Variants in ARK2C observed in about 807,000 individuals in gnomAD.
ARK2C encodes the protein arkadia (RNF111) C-terminal like ring finger ubiquitin ligase 2C.
At chr18:46,381,359 C>A in the ARK2C span, among the ~76,000 whole-genome samples, 1 of 152,224 alleles carries the variant, frequency 6.6e-6, no homozygotes, top group African/African-American at 2.4e-5. Flanking sequence ...TTTGGAGCTT[C>A]TCTGCTCTCT....
chr18:46,441,861 C>CA, the ARK2C span, among the ~76,000 whole-genome samples: 243 of 122,064 alleles, frequency 2.0e-3, 2 homozygotes, highest in South Asian at 9.5e-3. Context: ...GACTCCATCT[C>CA]AAAAAAAAAA....
At chr18:46,377,332 A>ACTC in the ARK2C span, among the ~76,000 whole-genome samples, 2 of 152,118 alleles carry the variant, frequency 1.3e-5, no homozygotes, top group Non-Finnish European at 2.9e-5. Flanking sequence ...ATTTATGGGA[A>ACTC]CTCGCTATAT....
At chr18:46,427,099 A>C in the ARK2C span, among the ~76,000 whole-genome samples, 1 of 152,230 alleles carries the variant, frequency 6.6e-6, no homozygotes, top group Non-Finnish European at 1.5e-5. Context: ...GGATGTTTCC[A>C]CTTCCAGTTC....
At chr18:46,438,341 C>A in the ARK2C span, among the ~76,000 whole-genome samples, 753 of 152,338 alleles carry the variant, frequency 4.9e-3, 5 homozygotes, top group African/African-American at 0.017. Flanking sequence ...GAACCACATC[C>A]CCTGTTGGGG....
chr18:46,391,099 A>G, the ARK2C span, among the ~76,000 whole-genome samples: 3 of 152,124 alleles, frequency 2.0e-5, no homozygotes, highest in African/African-American at 7.2e-5. Flanking sequence ...GAGAGTTCCT[A>G]CCCCATGGGT....
chr18:46,405,485 G>A, the ARK2C span, among the ~76,000 whole-genome samples: 1 of 152,200 alleles, frequency 6.6e-6, no homozygotes. Context: ...TGAGGCAATA[G>A]GATGGAGTGG....
chr18:46,392,687 G>T, the ARK2C span, among the ~76,000 whole-genome samples: 12 of 152,290 alleles, frequency 7.9e-5, 1 homozygote, highest in Admixed American at 3.9e-4. Flanking sequence ...AGGGTGACAC[G>T]GTCCTGTGCC....
chr18:46,428,645 T>C, the ARK2C span, among the ~76,000 whole-genome samples: 2 of 152,172 alleles, frequency 1.3e-5, no homozygotes, highest in Non-Finnish European at 2.9e-5. Context: ...AATTGACATG[T>C]GTGGCAAGTA....
At chr18:46,452,704 G>C in the ARK2C span, among the ~76,000 whole-genome samples, 2 of 152,068 alleles carry the variant, frequency 1.3e-5, no homozygotes, top group African/African-American at 4.8e-5. Flanking sequence ...TTAAAAGCTT[G>C]ACAAACATTA....
chr18:46,456,066 T>G, the ARK2C span: 25,802 of 1,606,638 alleles, frequency 0.016, 276 homozygotes, highest in Non-Finnish European at 0.018. Flanking sequence ...TGCTGGAAGA[T>G]GGAGAAGATG....
the ARK2C span, among the ~76,000 whole-genome samples, chr18:46,387,759 T>A: frequency 6.6e-6 from 1 of 152,252 alleles, no homozygotes; most frequent in Non-Finnish European, 1.5e-5. Flanking sequence ...CATCGAGGAC[T>A]GCTGAAATCC....
the ARK2C span, among the ~76,000 whole-genome samples, chr18:46,424,234 G>T: frequency 6.6e-6 from 1 of 152,220 alleles, no homozygotes; most frequent in Non-Finnish European, 1.5e-5. Flanking sequence ...CAATGGTCTG[G>T]CAAAGCAGGG....
the ARK2C span, among the ~76,000 whole-genome samples, chr18:46,410,809 T>C: frequency 6.6e-6 from 1 of 152,232 alleles, no homozygotes; most frequent in Non-Finnish European, 1.5e-5. Context: ...AAGCATCGTT[T>C]CTTCAATTGT....
the ARK2C span, among the ~76,000 whole-genome samples, chr18:46,403,328 A>G: frequency 1.3e-5 from 2 of 152,176 alleles, no homozygotes; most frequent in Non-Finnish European, 2.9e-5. Context: ...AAGGCTAAGC[A>G]CAGAAGCCTG....
chr18:46,449,801 C>CT, the ARK2C span, among the ~76,000 whole-genome samples: 7 of 151,982 alleles, frequency 4.6e-5, no homozygotes, highest in African/African-American at 1.5e-4. Context: ...ATTAAACCTC[C>CT]TTTTTTTTAA....
the ARK2C span, among the ~76,000 whole-genome samples, chr18:46,408,743 T>C: frequency 6.6e-6 from 1 of 152,172 alleles, no homozygotes; most frequent in Admixed American, 6.5e-5. Flanking sequence ...CATTAGGGAA[T>C]TGCTGTCAGA....
the ARK2C span, among the ~76,000 whole-genome samples, chr18:46,430,708 T>C: frequency 1.3e-5 from 2 of 152,200 alleles, no homozygotes; most frequent in African/African-American, 2.4e-5. Context: ...AATTGCCCTG[T>C]TGAATTTCAT....
the ARK2C span, among the ~76,000 whole-genome samples, chr18:46,373,767 C>T: frequency 3.3e-5 from 5 of 152,252 alleles, no homozygotes; most frequent in South Asian, 2.1e-4. Context: ...GAATCTTACA[C>T]GTGGGGAAGC....
At chr18:46,359,048 C>G in the ARK2C span, among the ~76,000 whole-genome samples, 1 of 152,190 alleles carries the variant, frequency 6.6e-6, no homozygotes, top group Admixed American at 6.5e-5. Context: ...AGTCACTTCC[C>G]CCTCCCAGGA....
Sources: allele counts gnomAD v4.1 joint callset (sites outside exome capture counted in the v4.1 genomes callset), GRCh38; gene constraint gnomAD v4.1.1; transcripts MANE v1.5; gene names NCBI Gene and HGNC (gene_info 2026-07-23, HGNC 2026-07-21).